The following QRFPR variants were observed in gnomAD, a reference collection of about 807,000 sequenced individuals.
QRFPR encodes the protein pyroglutamylated RF-amide peptide receptor.
A neutral mutation model predicts 31.3 loss-of-function variants in QRFPR; 37 were observed. The observed-to-expected ratio is 1.18, with a 90% CI of 0.91 to 1.56. The LOEUF (loss-of-function observed/expected upper bound fraction) is 1.56, where lower values mean the gene tolerates loss of function less well. QRFPR is among the 40% of genes most tolerant of loss of function. The pLI, the probability that QRFPR is intolerant of heterozygous loss-of-function variation, is 0.00. For synonymous variants in QRFPR, 197 were observed against 192.0 expected (o/e 1.03, Z -0.22); for missense variants, 542 against 532.5 (o/e 1.02, Z -0.18).
At chr4:121,369,763 A>G in intron 1 of QRFPR, 1 of 1,599,352 alleles carries the variant, frequency 6.3e-7, no homozygotes, top group Non-Finnish European at 8.6e-7. Context: ...CTGTGGAAGA[A>G]CCAGAAGTGA....
At chr4:121,354,472 T>G (rs1370421634) in intron 1 of QRFPR, among the ~76,000 whole-genome samples, 1 of 152,040 alleles carries the variant, frequency 6.6e-6, no homozygotes, top group Non-Finnish European at 1.5e-5. Flanking sequence ...AGATATTTTT[T>G]AAATTTCAGA....
intron 1 of QRFPR, among the ~76,000 whole-genome samples, chr4:121,347,689 G>T (rs573653993): frequency 6.6e-6 from 1 of 151,772 alleles, no homozygotes; most frequent in South Asian, 2.1e-4. Context: ...TCCTATTTTC[G>T]CATTCTTCTT....
At chr4:121,348,538 TTTC>T (rs1725701082) in intron 1 of QRFPR, among the ~76,000 whole-genome samples, 1 of 152,120 alleles carries the variant, frequency 6.6e-6, no homozygotes, top group African/African-American at 2.4e-5. Context: ...TTTCAATCAA[TTTC>T]TTCTCCGGTT....
At chr4:121,360,009 T>C (rs1177704816) in intron 1 of QRFPR, among the ~76,000 whole-genome samples, 2 of 152,098 alleles carry the variant, frequency 1.3e-5, no homozygotes, top group South Asian at 4.1e-4. Context: ...TTCTCAAACA[T>C]TTTTTGAGCA....
At chr4:121,369,860 G>A in intron 1 of QRFPR, 2 of 868,456 alleles carry the variant, frequency 2.3e-6, no homozygotes, top group Non-Finnish European at 4.0e-6. Context: ...CTCTTCTTTT[G>A]TTATCTCTCC....
chr4:121,345,540 GT>G (rs1188135057), intron 1 of QRFPR, among the ~76,000 whole-genome samples: 2 of 152,132 alleles, frequency 1.3e-5, no homozygotes, highest in African/African-American at 4.8e-5. Context: ...TGTGTGTACT[GT>G]TAACTATAAG....
chr4:121,357,662 G>T (rs915823974), intron 1 of QRFPR, among the ~76,000 whole-genome samples: 8 of 152,184 alleles, frequency 5.3e-5, no homozygotes, highest in African/African-American at 1.9e-4. Flanking sequence ...AAAAGAAATT[G>T]ATATTTAGAT....
chr4:121,356,926 G>T (rs900987884), intron 1 of QRFPR, among the ~76,000 whole-genome samples: 8 of 151,738 alleles, frequency 5.3e-5, no homozygotes, highest in South Asian at 2.1e-4. Flanking sequence ...GCTGAGAGGG[G>T]GTCTATTCTT....
chr4:121,357,710 G>C (rs575391274), intron 1 of QRFPR, among the ~76,000 whole-genome samples: 1 of 152,252 alleles, frequency 6.6e-6, no homozygotes, highest in African/African-American at 2.4e-5. Flanking sequence ...GCATGCTTGG[G>C]GACTTAAGCT....
At chr4:121,366,834 G>A (rs1455793034) in intron 1 of QRFPR, among the ~76,000 whole-genome samples, 1 of 150,076 alleles carries the variant, frequency 6.7e-6, no homozygotes, top group East Asian at 2.0e-4. Flanking sequence ...TTGGCACATA[G>A]TAAGCTCTAT....
chr4:121,348,806 T>C (rs1255043324), intron 1 of QRFPR, among the ~76,000 whole-genome samples: 1 of 152,120 alleles, frequency 6.6e-6, no homozygotes, highest in Non-Finnish European at 1.5e-5. Flanking sequence ...CTTATAAATA[T>C]CCTGGTTACG....
chr4:121,378,801 T>C (rs1174951528), intron 1 of QRFPR, among the ~76,000 whole-genome samples: 1 of 152,304 alleles, frequency 6.6e-6, no homozygotes, highest in East Asian at 1.9e-4. Context: ...TAAATTAACA[T>C]GTATTACAGC....
intron 1 of QRFPR, among the ~76,000 whole-genome samples, chr4:121,349,635 T>G (rs1193735685): frequency 2.0e-5 from 3 of 152,182 alleles, no homozygotes; most frequent in Admixed American, 6.6e-5. Context: ...AAATGAGATA[T>G]TCTATGTGGA....
In QRFPR at chr4:121,340,237, T is replaced by C. The variant is rs2276958; in HGVS notation, c.499+215A>G. The C allele has an allele frequency of 0.35, 193,291 of 546,206 alleles. 36,288 individuals carry two copies. Among genetic ancestry groups the C allele is most frequent in the Middle Eastern group, 0.49 (987 of 2,004 alleles). The allele number at this position is 546,206 out of a possible 1,614,324, so 33.8% of individuals were successfully genotyped here. On this transcript the variant is annotated intron_variant, in intron 2 of 5. Coordinates refer to ENST00000394427, the MANE Select transcript of QRFPR (RefSeq NM_198179.3). ...ACGTTTAAGATGTAAACTGAAAAAG[T>C]ATACCCAAAATGATACATTTTCAGT...
At position 121,380,818 on chromosome 4, in the gene QRFPR, G is replaced by A; in HGVS notation, c.-171C>T. The A allele has an allele frequency of 1.7e-6, 1 of 605,048 alleles. No homozygotes were observed. The highest frequency in any genetic ancestry group is 3.1e-5 in the Admixed American group (1 of 31,940). The allele number at this position is 605,048 out of a possible 1,614,324, so 37.5% of individuals were successfully genotyped here. On this transcript the variant is annotated 5_prime_UTR_variant, in exon 1 of 6. Transcript: ENST00000394427. ...GCACCCCGGGAGGTTCGGGAAAGGA[G>A]AGCAGCTCAGGGATCAAACCCACGA...
chr4:121,369,674 A>G, intron 1 of QRFPR: 1 of 1,583,340 alleles, frequency 6.3e-7, no homozygotes, highest in Admixed American at 1.7e-5. Context: ...CAGTCCAAAG[A>G]GGCCCCACTT....
At chr4:121,365,137 C>A (rs535099023) in intron 1 of QRFPR, among the ~76,000 whole-genome samples, 1 of 149,226 alleles carries the variant, frequency 6.7e-6, no homozygotes, top group Admixed American at 6.7e-5. Flanking sequence ...TTTTTTCTTG[C>A]AAAACTACAA....
intron 1 of QRFPR, among the ~76,000 whole-genome samples, chr4:121,345,757 T>A (rs1007640831): frequency 6.6e-6 from 1 of 152,210 alleles, no homozygotes; most frequent in Admixed American, 6.5e-5. Context: ...GACCTTTTGC[T>A]CTCACTGAGA....
chr4:121,360,508 C>T (rs1288614662), intron 1 of QRFPR, among the ~76,000 whole-genome samples: 2 of 152,132 alleles, frequency 1.3e-5, no homozygotes, highest in African/African-American at 4.8e-5. Context: ...CTGTGCTTGC[C>T]TGGTTCCCCT....
Sources: allele counts gnomAD v4.1 joint callset (sites outside exome capture counted in the v4.1 genomes callset), GRCh38; gene constraint gnomAD v4.1.1; transcripts MANE v1.5; gene names NCBI Gene and HGNC (gene_info 2026-07-23, HGNC 2026-07-21).